Variants in DENND1B observed in about 807,000 individuals in gnomAD.
DENND1B encodes the protein DENN domain containing 1B.
In DENND1B, 59 loss-of-function variants were observed where a neutral mutation model predicts 90.1. That is an observed-to-expected ratio of 0.65 (90% CI 0.53 to 0.81). The LOEUF (loss-of-function observed/expected upper bound fraction) is 0.81. DENND1B is among the 40% of genes least tolerant of loss of function. DENND1B has a pLI of 0.00. For missense variants in DENND1B, 862 were observed against 912.6 expected (o/e 0.94, Z 0.71); for synonymous variants, 337 against 324.6 (o/e 1.04, Z -0.41).
At chr1:197,678,991 A>G (rs1656375514) in intron 3 of DENND1B, among the ~76,000 whole-genome samples, 1 of 152,116 alleles carries the variant, frequency 6.6e-6, no homozygotes, top group South Asian at 2.1e-4. Flanking sequence ...TCCTCCTTAA[A>G]TTAGGGAAAG....
In DENND1B at chr1:197,775,378, G is replaced by C; in HGVS notation, c.-223C>G. On this transcript the variant is annotated 5_prime_UTR_variant, in exon 1 of 23. Transcript: ENST00000620048. ...AGAGCCTTTCTGTGACAGCAGCGGTGGCGTGGCCGCCGCCCCCGTCTCCGC... is the reference window on the plus strand; with the variant it reads ...AGAGCCTTTCTGTGACAGCAGCGGTCGCGTGGCCGCCGCCCCCGTCTCCGC... 1 of 338,644 alleles carries C rather than the reference G, an allele frequency of 3.0e-6. No individual in the cohort carries two copies. Among genetic ancestry groups the C allele is most frequent in the Non-Finnish European group, 5.3e-6 (1 of 188,466 alleles). 21.0% of individuals were successfully genotyped at this position (338,644 alleles called of 1,614,324 possible).
At chr1:197,615,295 A>G (rs1302117120) in intron 11 of DENND1B, among the ~76,000 whole-genome samples, 2 of 151,164 alleles carry the variant, frequency 1.3e-5, no homozygotes, top group African/African-American at 4.8e-5. Context: ...GGATGAATGA[A>G]TCAACAAAGT....
intron 3 of DENND1B, among the ~76,000 whole-genome samples, chr1:197,679,850 T>C (rs1296018577): frequency 1.4e-5 from 2 of 147,508 alleles, no homozygotes; most frequent in African/African-American, 2.5e-5. Context: ...TTAAAAACTG[T>C]CTTCAAAGTT....
intron 2 of DENND1B, among the ~76,000 whole-genome samples, chr1:197,753,868 C>A (rs1338350264): frequency 6.6e-6 from 1 of 151,690 alleles, no homozygotes; most frequent in East Asian, 1.9e-4. Flanking sequence ...GGTGTGGTGG[C>A]GCACATCTGT....
chr1:197,775,072 C>G (rs910627198), intron 1 of DENND1B, 67 bp downstream of exon 1: 1 of 1,108,546 alleles, frequency 9.0e-7, no homozygotes, highest in East Asian at 3.6e-5. Context: ...CGCGGAGGAG[C>G]CGAGCTGGCC....
At chr1:197,587,389 AC>A (rs1236387185) in intron 14 of DENND1B, among the ~76,000 whole-genome samples, 6 of 152,214 alleles carry the variant, frequency 3.9e-5, no homozygotes, top group African/African-American at 1.4e-4. Flanking sequence ...GCTCCATAAA[AC>A]AGTGATGGGG....
intron 3 of DENND1B, among the ~76,000 whole-genome samples, chr1:197,682,831 T>C (rs547323141): frequency 4.6e-5 from 7 of 152,270 alleles, no homozygotes; most frequent in Middle Eastern, 3.4e-3. Flanking sequence ...ACAAACTGGA[T>C]TGAGAAATAA....
intron 15 of DENND1B, among the ~76,000 whole-genome samples, chr1:197,580,867 T>C (rs141170308): frequency 4.1e-4 from 62 of 152,304 alleles, no homozygotes; most frequent in East Asian, 2.1e-3. Context: ...TCTCCTGTAC[T>C]GTCTCAACAT....
At chr1:197,601,943 A>G (rs1676250519) in intron 13 of DENND1B, among the ~76,000 whole-genome samples, 1 of 151,676 alleles carries the variant, frequency 6.6e-6, no homozygotes, top group African/African-American at 2.4e-5. Context: ...AAACAAAAAA[A>G]CTACTTTGTA....
chr1:197,593,786 C>A (rs1370365932), intron 14 of DENND1B, among the ~76,000 whole-genome samples: 1 of 152,002 alleles, frequency 6.6e-6, no homozygotes, highest in Non-Finnish European at 1.5e-5. Flanking sequence ...AAGATGAATA[C>A]GTACTTAAAT....
chr1:197,582,989 G>C (rs1409066270), intron 15 of DENND1B, among the ~76,000 whole-genome samples, 163 bp downstream of exon 15: 2 of 152,154 alleles, frequency 1.3e-5, no homozygotes, highest in African/African-American at 4.8e-5. Flanking sequence ...AATATTTCTA[G>C]AGTGCTATGT....
At chr1:197,612,720 C>T (rs761425168) in intron 11 of DENND1B, among the ~76,000 whole-genome samples, 3 of 150,612 alleles carry the variant, frequency 2.0e-5, no homozygotes, top group Non-Finnish European at 4.5e-5. Flanking sequence ...ATATTTGGAG[C>T]ATAGCAGGTG....
chr1:197,507,286 C>T lies in DENND1B; in HGVS notation c.*3174G>A, dbSNP rs1667774904. ...TTCCCATATCCTCAGTTACTGTACC[C>T]TGCATATGACTGGTACAAAAAGTCA... On this transcript the variant is annotated 3_prime_UTR_variant, in exon 23 of 23. Coordinates refer to ENST00000620048, the MANE Select transcript of DENND1B (RefSeq NM_001195215.2). 2 of 150,722 alleles carry T rather than the reference C, an allele frequency of 1.3e-5. No individual in the cohort carries two copies. Among genetic ancestry groups the T allele is most frequent in the South Asian group, 4.2e-4 (2 of 4,794 alleles). The allele number at this position is 150,722 out of a possible 1,614,324, so 9.3% of individuals were successfully genotyped here.
chr1:197,676,644 T>C (rs1259328817), intron 3 of DENND1B, among the ~76,000 whole-genome samples: 1 of 152,048 alleles, frequency 6.6e-6, no homozygotes, highest in African/African-American at 2.4e-5. Context: ...GGCTAACACA[T>C]GTCAAATGAT....
chr1:197,550,176 T>A (rs1558228776), intron 16 of DENND1B, among the ~76,000 whole-genome samples: 2 of 152,168 alleles, frequency 1.3e-5, no homozygotes, highest in African/African-American at 4.8e-5. Context: ...TAGGACTTCA[T>A]GTGTAAAAAA....
intron 2 of DENND1B, among the ~76,000 whole-genome samples, chr1:197,733,636 G>A (rs944897410): frequency 2.6e-5 from 4 of 152,166 alleles, no homozygotes; most frequent in African/African-American, 9.7e-5. Context: ...GCACAATAAT[G>A]ATATTGTGAG....
At chr1:197,714,746 T>TAGTC (rs1389570503) in intron 3 of DENND1B, among the ~76,000 whole-genome samples, 2 of 152,116 alleles carry the variant, frequency 1.3e-5, no homozygotes, top group African/African-American at 4.8e-5. Flanking sequence ...TTCAAATATA[T>TAGTC]AGTCTATAGA....
chr1:197,773,482 T>G (rs1211511876), intron 1 of DENND1B, among the ~76,000 whole-genome samples: 4 of 152,244 alleles, frequency 2.6e-5, no homozygotes, highest in African/African-American at 9.6e-5. Flanking sequence ...ATGTGATACG[T>G]TGCATATACT....
chr1:197,692,394 T>C (rs974264430), intron 3 of DENND1B, among the ~76,000 whole-genome samples: 2 of 151,850 alleles, frequency 1.3e-5, no homozygotes, highest in East Asian at 3.8e-4. Flanking sequence ...TAGCATAGTA[T>C]ACAAAGTTCT....
Sources: allele counts gnomAD v4.1 joint callset (sites outside exome capture counted in the v4.1 genomes callset), GRCh38; gene constraint gnomAD v4.1.1; transcripts MANE v1.5; gene names NCBI Gene and HGNC (gene_info 2026-07-23, HGNC 2026-07-21).